CAMTA1: variants seen among roughly 807,000 people sequenced by gnomAD.
The protein encoded by CAMTA1 is calmodulin-binding transcription activator 1.
Under a neutral mutation model 170.9 loss-of-function variants are expected in CAMTA1, and 27 were observed. The ratio of observed to expected loss-of-function variants is 0.16; its 90% CI spans 0.12 to 0.22. The LOEUF (loss-of-function observed/expected upper bound fraction) is 0.22, where lower values mean the gene tolerates loss of function less well. Ranked by LOEUF, CAMTA1 falls within the 10% of genes least tolerant of loss-of-function variation. CAMTA1 has a pLI of 1.00. For synonymous variants in CAMTA1, 833 were observed against 891.5 expected, an observed-to-expected ratio of 0.93 and a Z score of 1.17; for missense variants, 1,619 against 2,217.2, an observed-to-expected ratio of 0.73 and a Z score of 5.42.
At position 7,498,762 on chromosome 1, in the gene CAMTA1, G is replaced by C. The variant is rs566046368; in HGVS notation, c.510+30861G>C. ...AGAGGATGAGTGTGCAGAGGATTGTGTGAGCCTGGTGTGCATGTGTATGTA... is the reference window on the plus strand; with the variant it reads ...AGAGGATGAGTGTGCAGAGGATTGTCTGAGCCTGGTGTGCATGTGTATGTA... On this transcript the variant is annotated intron_variant, in intron 6 of 22. Transcript: ENST00000303635. 1.4e-4 allele frequency among the ~76,000 whole-genome samples: 20 copies of C among 148,050 alleles called. No homozygotes were observed. In the South Asian group the frequency reaches 4.0e-3, roughly 30 times the overall value.
chr1:7,115,698 C>G (rs985889861), intron 4 of CAMTA1, among the ~76,000 whole-genome samples: 2 of 150,684 alleles, frequency 1.3e-5, no homozygotes, highest in African/African-American at 4.9e-5. Flanking sequence ...AGCCTGAGAC[C>G]CAGGAGAGCT....
At chr1:6,997,056 A>G (rs1303854587) in intron 3 of CAMTA1, among the ~76,000 whole-genome samples, 1 of 152,122 alleles carries the variant, frequency 6.6e-6, no homozygotes, top group Non-Finnish European at 1.5e-5. Context: ...AATTGTAAGC[A>G]TTCTTATGTT....
chr1:7,613,627 C>T (rs946439405), intron 6 of CAMTA1, among the ~76,000 whole-genome samples: 4 of 152,008 alleles, frequency 2.6e-5, no homozygotes, highest in Admixed American at 2.6e-4. Flanking sequence ...AGTCCCATTG[C>T]CAAGCAGGGA....
chr1:7,600,827 G>A (rs942646202), intron 6 of CAMTA1, among the ~76,000 whole-genome samples: 7 of 151,926 alleles, frequency 4.6e-5, no homozygotes, highest in African/African-American at 1.4e-4. Context: ...AGGATCCCAA[G>A]GCAGAAGAAT....
chr1:7,740,261 C>G (rs1321763917), intron 16 of CAMTA1, among the ~76,000 whole-genome samples: 1 of 152,260 alleles, frequency 6.6e-6, no homozygotes, highest in Non-Finnish European at 1.5e-5. Context: ...GCCATACAGA[C>G]TTTGTCCTAG....
Position 7,732,304 on chromosome 1 carries a change from G to T in CAMTA1, c.2915-144G>T. 1.5e-6 allele frequency: 1 copy of T among 659,826 alleles called. No homozygotes were observed. The highest frequency in any genetic ancestry group is 2.7e-6 in the Non-Finnish European group (1 of 365,790). 40.9% of individuals were successfully genotyped at this position (659,826 alleles called of 1,614,324 possible). ...TGGTGACAGATTCACGATCGTGCTG[G>T]GGAACTCTGGCTGGCGGAGACCTCT... On this transcript the variant is annotated intron_variant, in intron 11 of 22. Coordinates refer to ENST00000303635, the MANE Select transcript of CAMTA1 (RefSeq NM_015215.4). This position sits in a 1 kb window ranked among gnomAD's most constrained non-coding sequence, Gnocchi z 4.1.
chr1:7,343,002 A>G (rs1354843949), intron 5 of CAMTA1, among the ~76,000 whole-genome samples: 1 of 152,210 alleles, frequency 6.6e-6, no homozygotes, highest in Non-Finnish European at 1.5e-5. Context: ...AGCATCACAC[A>G]GCGCCAGCCC....
intron 5 of CAMTA1, among the ~76,000 whole-genome samples, chr1:7,310,700 C>CTCTCTCTT (rs1361709842): frequency 3.0e-4 from 16 of 53,488 alleles, no homozygotes; most frequent in South Asian, 1.0e-3. Flanking sequence ...CTCTCTCTCT[C>CTCTCTCTT]TCTTTCTTTC....
intron 6 of CAMTA1, among the ~76,000 whole-genome samples, chr1:7,550,666 T>C (rs1400758228): frequency 6.9e-6 from 1 of 144,884 alleles, no homozygotes; most frequent in East Asian, 2.1e-4. Context: ...TCCTCGCAGC[T>C]GGCCCTCCCC....
rs1357829569 is a variant in CAMTA1, at chr1:7,634,009, G to T, written c.511-6391G>T. ...GGGTGGCGGGAGCCAGGTGCATGAGGCAGGCAGCGGCCAGCAAGAAGCACA... is the reference window on the plus strand; with the variant it reads ...GGGTGGCGGGAGCCAGGTGCATGAGTCAGGCAGCGGCCAGCAAGAAGCACA... On this transcript the variant is annotated intron_variant, in intron 6 of 22. Transcript: ENST00000303635. This position sits in a 1 kb window ranked among gnomAD's most constrained non-coding sequence, Gnocchi z 6.2. Among the ~76,000 whole-genome samples, 1 of 152,222 alleles carries T rather than the reference G, an allele frequency of 6.6e-6. No individual in the cohort carries two copies. Among genetic ancestry groups the T allele is most frequent in the Non-Finnish European group, 1.5e-5 (1 of 68,030 alleles).
At chr1:6,819,366 G>GA (rs1281122279) in intron 1 of CAMTA1, among the ~76,000 whole-genome samples, 1 of 151,980 alleles carries the variant, frequency 6.6e-6, no homozygotes, top group Non-Finnish European at 1.5e-5. Context: ...TTATCTGAGT[G>GA]AAGCAGCCTG....
At chr1:7,751,434 A>G in intron 20 of CAMTA1, 42 bp downstream of exon 20, 1 of 1,504,130 alleles carries the variant, frequency 6.6e-7, no homozygotes, top group Non-Finnish European at 8.9e-7. Context: ...TCCCTAGGGA[A>G]GAGAACTCTG....
At chr1:7,035,769 A>G (rs899652719) in intron 3 of CAMTA1, among the ~76,000 whole-genome samples, 1 of 152,262 alleles carries the variant, frequency 6.6e-6, no homozygotes, top group Non-Finnish European at 1.5e-5. Flanking sequence ...GTACAGAGAC[A>G]TGAGCAAGAA....
chr1:7,556,689 G>A (rs1240090179), intron 6 of CAMTA1, among the ~76,000 whole-genome samples: 3 of 151,984 alleles, frequency 2.0e-5, no homozygotes, highest in African/African-American at 4.8e-5. Context: ...CACTCAATTC[G>A]TCTGCCTGGG....
chr1:7,708,953 A>G (rs559880289), intron 11 of CAMTA1, among the ~76,000 whole-genome samples: 1 of 152,216 alleles, frequency 6.6e-6, no homozygotes, highest in African/African-American at 2.4e-5. Context: ...CCATTTTTTC[A>G]GCTTTCGTGT....
chr1:7,276,221 A>G (rs929150260), intron 5 of CAMTA1, among the ~76,000 whole-genome samples: 3 of 139,132 alleles, frequency 2.2e-5, no homozygotes, highest in Non-Finnish European at 3.0e-5. Context: ...CAAACTAGAT[A>G]TAGGAGAGAA....
intron 6 of CAMTA1, among the ~76,000 whole-genome samples, chr1:7,638,191 G>A (rs2095730126): frequency 6.6e-6 from 1 of 152,208 alleles, no homozygotes; most frequent in Non-Finnish European, 1.5e-5. Flanking sequence ...CAGGACTCAT[G>A]GTTGAGTCTC....
intron 4 of CAMTA1, among the ~76,000 whole-genome samples, chr1:7,122,370 A>T (rs970554334): frequency 2.2e-4 from 33 of 152,078 alleles, no homozygotes; most frequent in African/African-American, 7.7e-4. Context: ...GGAGGAAGAA[A>T]TGGAGACAGC....
At chr1:7,741,093 A>C (rs1421821878) in intron 16 of CAMTA1, among the ~76,000 whole-genome samples, 1 of 152,208 alleles carries the variant, frequency 6.6e-6, no homozygotes, top group Non-Finnish European at 1.5e-5. Context: ...ATAGAAGACG[A>C]ATAATGTTTA....
Sources: allele counts gnomAD v4.1 joint callset (sites outside exome capture counted in the v4.1 genomes callset), GRCh38; gene constraint gnomAD v4.1.1; non-coding constraint Gnocchi (gnomAD v3.1); transcripts MANE v1.5; gene names NCBI Gene and HGNC (gene_info 2026-07-23, HGNC 2026-07-21).